RYR2: variants seen among roughly 807,000 people sequenced by gnomAD.
RYR2 encodes the protein cardiac muscle ryanodine receptor-calcium release channel.
Under a neutral mutation model 601.1 loss-of-function variants are expected in RYR2, and 227 were observed. That is an observed-to-expected ratio of 0.38 (90% CI 0.34 to 0.42). The LOEUF is 0.42. Among genes scored for constraint, RYR2 ranks in the 10% least tolerant of loss-of-function variants. The pLI, the probability that RYR2 is intolerant of heterozygous loss-of-function variation, is 1.00. For missense variants in RYR2, 4,646 were observed against 6,156.5 expected (o/e 0.75, Z 8.21); for synonymous variants, 2,223 against 2,175.1 (o/e 1.02, Z -0.61).
intron 1 of RYR2, among the ~76,000 whole-genome samples, chr1:237,046,597 G>A (rs1392444096): frequency 3.9e-5 from 6 of 152,210 alleles, no homozygotes; most frequent in East Asian, 1.9e-4. Context: ...TTAGAAATTA[G>A]CATGTACACA....
chr1:237,824,376 C>T (rs951647801), intron 101 of RYR2, among the ~76,000 whole-genome samples: 11 of 152,136 alleles, frequency 7.2e-5, no homozygotes, highest in Non-Finnish European at 1.3e-4. Flanking sequence ...GTTCAACATA[C>T]GCAAATCAAT....
At chr1:237,052,633 A>C (rs1572459276) in intron 1 of RYR2, among the ~76,000 whole-genome samples, 1 of 152,152 alleles carries the variant, frequency 6.6e-6, no homozygotes, top group East Asian at 1.9e-4. Context: ...TTGTTTTTTT[A>C]AGGACAATAT....
chr1:237,584,659 T>TTTG (rs1559066796), intron 29 of RYR2, among the ~76,000 whole-genome samples: 1 of 138,154 alleles, frequency 7.2e-6, no homozygotes, highest in Non-Finnish European at 1.6e-5. Context: ...GTTTTTTTTT[T>TTTG]TTTTTTTTTT....
intron 2 of RYR2, among the ~76,000 whole-genome samples, chr1:237,308,703 C>G (rs1311647884): frequency 6.6e-6 from 1 of 152,176 alleles, no homozygotes; most frequent in Non-Finnish European, 1.5e-5. Flanking sequence ...CTCATAAAAG[C>G]AGTGCAGACC....
chr1:237,576,591 G>T (rs1188502993), intron 29 of RYR2, among the ~76,000 whole-genome samples: 1 of 152,000 alleles, frequency 6.6e-6, no homozygotes, highest in African/African-American at 2.4e-5. Flanking sequence ...ACTCCAAATG[G>T]TCTTAAATGT....
rs878854158 is a variant in RYR2 at position 237,614,119 on chromosome 1, T to A, written c.4991T>A (p.Val1664Asp). ...HYHTLRLYSA[V>D]CALGNHRVAH... ...CACACTCTCCGGCTCTACTCAGCCG[T>A]CTGTGCTCTTGGGAACCACCGGGTG... The change falls in exon 37 of 105, where the codon GTC (valine) becomes GAC (aspartate). Residue 1664 changes from valine (V) to aspartate (D), a missense_variant. Around this residue, in one of 17 missense-constraint regions of RYR2, gnomAD observed 1,807 missense variants for 2,088.1 expected, o/e 0.87. Transcript: ENST00000366574. This position sits in a 1 kb window ranked among gnomAD's most constrained non-coding sequence, Gnocchi z 4.3. The A allele has an allele frequency of 1.2e-6, 2 of 1,614,036 alleles. No homozygotes were observed. The highest frequency in any genetic ancestry group is 1.7e-6 in the Non-Finnish European group (2 of 1,179,898).
intron 1 of RYR2, among the ~76,000 whole-genome samples, chr1:237,219,298 A>G (rs546042826): frequency 2.0e-5 from 3 of 152,252 alleles, no homozygotes; most frequent in South Asian, 2.1e-4. Context: ...GATTACAGGC[A>G]TGAGCCACTG....
chr1:237,604,986 C>T (rs149968840), intron 35 of RYR2, among the ~76,000 whole-genome samples: 7,314 of 152,114 alleles, frequency 0.048, 528 homozygotes, highest in African/African-American at 0.16. Context: ...CGAATTCTAC[C>T]AGAGGTACAA....
chr1:237,382,918 T>TTC (rs1309925541), intron 8 of RYR2, among the ~76,000 whole-genome samples: 1 of 151,596 alleles, frequency 6.6e-6, no homozygotes, highest in African/African-American at 2.4e-5. Context: ...GTTTTTGTTT[T>TTC]TTTTTTTTCA....
At position 237,367,382 on chromosome 1, in the gene RYR2, G is replaced by A. The variant is rs1285684275; in HGVS notation, c.310-2152G>A. ...TCTGGGATTACAAGCGTGAGCCACT[G>A]CGTCTGGCCCCCCAAAAAAAGTGGT... On this transcript the variant is annotated intron_variant, in intron 5 of 104. Transcript: ENST00000366574. Among the ~76,000 whole-genome samples the A allele has an allele frequency of 2.9e-5, 4 of 139,714 alleles. No homozygotes were observed. In the East Asian group the frequency reaches 6.6e-4, roughly 23 times the overall value. The allele number at this position is 139,714 out of a possible 152,430, so 91.7% of individuals were successfully genotyped here.
intron 62 of RYR2, among the ~76,000 whole-genome samples, chr1:237,681,633 G>A (rs111448231): frequency 0.023 from 3,522 of 152,240 alleles, 65 homozygotes; most frequent in Non-Finnish European, 0.034. Flanking sequence ...TCCCAGCGGC[G>A]TGCTTTGTTT....
At chr1:237,474,481 A>G (rs983336201) in intron 17 of RYR2, among the ~76,000 whole-genome samples, 3 of 152,042 alleles carry the variant, frequency 2.0e-5, no homozygotes, top group Non-Finnish European at 4.4e-5. Flanking sequence ...ACAGACAACC[A>G]GAAACATATT....
chr1:237,360,308 A>G (rs1326511345), intron 4 of RYR2, among the ~76,000 whole-genome samples: 1 of 152,172 alleles, frequency 6.6e-6, no homozygotes, highest in African/African-American at 2.4e-5. Context: ...GTAGAAATCA[A>G]TGTGTTGCTT....
chr1:237,505,935 A>G (rs1665175818), intron 22 of RYR2, among the ~76,000 whole-genome samples: 1 of 152,226 alleles, frequency 6.6e-6, no homozygotes, highest in Non-Finnish European at 1.5e-5. Context: ...AACCACTAAC[A>G]GTAACAGAGT....
intron 6 of RYR2, 125 bp from the exon 7 acceptor site, chr1:237,374,592 A>G: frequency 1.4e-6 from 1 of 737,252 alleles, no homozygotes; most frequent in African/African-American, 1.7e-5. Flanking sequence ...CAGGAGGTTG[A>G]GGCTGCAGTG....
At chr1:237,594,885 G>GGTTTTTTTTGTTTTTTTTTT (rs773047111) in intron 33 of RYR2, among the ~76,000 whole-genome samples, 6 of 79,048 alleles carry the variant, frequency 7.6e-5, no homozygotes, top group East Asian at 4.7e-4. Context: ...AATATCACTG[G>GGTTTTTTTTGTTTTTTTTTT]GTTTTTTTTT....
At chr1:237,309,439 G>A (rs113059711) in intron 2 of RYR2, among the ~76,000 whole-genome samples, 10 of 138,956 alleles carry the variant, frequency 7.2e-5, no homozygotes, top group South Asian at 4.7e-4. Flanking sequence ...AGCTAGATAC[G>A]GAGCACTGAT....
rs536670824 is a variant in RYR2 at position 237,295,166 on chromosome 1, A to G, written c.168+24550A>G. On this transcript the variant is annotated intron_variant, in intron 2 of 104. Transcript: ENST00000366574. ...AGGAATTTGAGAATTTGAACCTGTAATGAGTTATGATGGCTCCACTGCACT... is the reference window on the plus strand; with the variant it reads ...AGGAATTTGAGAATTTGAACCTGTAGTGAGTTATGATGGCTCCACTGCACT... Among the ~76,000 whole-genome samples, 35 of 152,180 alleles carry G rather than the reference A, an allele frequency of 2.3e-4. 1 individual carries two copies. The South Asian group carries it at 6.8e-3, about 30-fold the overall frequency.
chr1:237,320,651 T>A (rs1027682370), intron 2 of RYR2, among the ~76,000 whole-genome samples: 1 of 152,214 alleles, frequency 6.6e-6, no homozygotes, highest in Non-Finnish European at 1.5e-5. Context: ...TTACACCATA[T>A]CTAATTCTAT....
Sources: gnomAD v4.1 joint callset for allele counts (sites outside exome capture counted in the v4.1 genomes callset) on GRCh38, gnomAD v4.1.1 for gene constraint, gnomAD v4.1.1 regional missense constraint, Gnocchi (gnomAD v3.1) non-coding constraint, MANE v1.5 for transcripts, NCBI Gene and HGNC (gene_info 2026-07-23, HGNC 2026-07-21) for gene names.